CELF2: variants seen among roughly 807,000 people sequenced by gnomAD.
CELF2 encodes the protein CUGBP Elav-like family member 2.
CELF2 carries 8 observed loss-of-function variants against 62.6 expected under a neutral mutation model. That is an observed-to-expected ratio of 0.13 (90% CI 0.07 to 0.23). The LOEUF is 0.23. Ranked by LOEUF, CELF2 falls within the 10% of genes least tolerant of loss-of-function variation. The pLI, the probability that CELF2 is intolerant of heterozygous loss-of-function variation, is 1.00. For missense variants in CELF2, 333 were observed against 671.0 expected (o/e 0.50, Z 5.56); for synonymous variants, 258 against 250.0 (o/e 1.03, Z -0.30).
intron 1 of CELF2, among the ~76,000 whole-genome samples, chr10:10,833,942 C>A (rs2058072823): frequency 6.6e-6 from 1 of 152,194 alleles, no homozygotes; most frequent in Non-Finnish European, 1.5e-5. Flanking sequence ...TACCATTCAA[C>A]CCAGCAATCC....
intron 1 of CELF2, among the ~76,000 whole-genome samples, chr10:10,898,937 A>G (rs1008693225): frequency 3.0e-4 from 45 of 152,262 alleles, no homozygotes; most frequent in Non-Finnish European, 4.4e-4. Context: ...TGAATTATAA[A>G]TCAGTAGGAA....
chr10:11,278,731 A>T (rs2087096324), intron 8 of CELF2, among the ~76,000 whole-genome samples: 1 of 152,222 alleles, frequency 6.6e-6, no homozygotes, highest in Admixed American at 6.5e-5. Flanking sequence ...GAAGATGAAA[A>T]GGTTCAGTGA....
chr10:10,586,001 T>C, the CELF2 span, among the ~76,000 whole-genome samples: 1 of 152,222 alleles, frequency 6.6e-6, no homozygotes, highest in Non-Finnish European at 1.5e-5. Context: ...CTATTGTATG[T>C]TCATAAATAT....
chr10:10,609,458 GCA>G, the CELF2 span, among the ~76,000 whole-genome samples: 3 of 152,086 alleles, frequency 2.0e-5, no homozygotes, highest in Non-Finnish European at 4.4e-5. Context: ...CACCGCGCGT[GCA>G]CACACACACA....
chr10:10,964,594 TATC>T (rs2049913369), intron 2 of CELF2, among the ~76,000 whole-genome samples: 2 of 152,204 alleles, frequency 1.3e-5, no homozygotes, highest in Non-Finnish European at 2.9e-5. Flanking sequence ...ACTTAAAAAA[TATC>T]ATTTCGAGAG....
the CELF2 span, among the ~76,000 whole-genome samples, chr10:10,475,465 G>T: frequency 8.8e-6 from 1 of 113,176 alleles, no homozygotes; most frequent in Non-Finnish European, 1.8e-5. Context: ...GAGCTCCTGT[G>T]CTTGGCCACT....
intron 1 of CELF2, among the ~76,000 whole-genome samples, chr10:10,847,162 A>G (rs946816160): frequency 3.3e-5 from 5 of 151,720 alleles, no homozygotes; most frequent in African/African-American, 7.3e-5. Context: ...TTAGGTATAT[A>G]TATAAAATAA....
intron 3 of CELF2, among the ~76,000 whole-genome samples, chr10:11,219,133 T>C (rs1035082074): frequency 1.3e-5 from 2 of 152,250 alleles, no homozygotes; most frequent in African/African-American, 4.8e-5. Flanking sequence ...CCAAGTCACA[T>C]CATATTTTAA....
intron 2 of CELF2, among the ~76,000 whole-genome samples, chr10:10,945,359 C>T (rs949199362): frequency 6.6e-6 from 1 of 152,258 alleles, no homozygotes; most frequent in South Asian, 2.1e-4. Context: ...AGTACCTGCT[C>T]TCGGCCAGAC....
intron 1 of CELF2, among the ~76,000 whole-genome samples, chr10:11,102,957 C>G (rs1287990370): frequency 6.6e-6 from 1 of 152,182 alleles, no homozygotes; most frequent in African/African-American, 2.4e-5. Flanking sequence ...ACCTCTTCAG[C>G]CACCTTCTAC....
chr10:11,284,448 G>A (rs2090401620), intron 8 of CELF2, among the ~76,000 whole-genome samples: 1 of 151,796 alleles, frequency 6.6e-6, no homozygotes, highest in Non-Finnish European at 1.5e-5. Flanking sequence ...AGTGTGTGGT[G>A]GGTGGATGAG....
the CELF2 span, among the ~76,000 whole-genome samples, chr10:10,578,278 T>C: frequency 1.3e-5 from 2 of 152,208 alleles, no homozygotes; most frequent in African/African-American, 4.8e-5. Context: ...GTCAGATGAC[T>C]AGGTTGCAAA....
chr10:10,516,607 T>C, the CELF2 span, among the ~76,000 whole-genome samples: 416 of 152,238 alleles, frequency 2.7e-3, 2 homozygotes, highest in Admixed American at 7.2e-3. Flanking sequence ...CAGAATTTAC[T>C]GAGAGCTGGT....
At chr10:10,611,030 C>T in the CELF2 span, among the ~76,000 whole-genome samples, 1 of 152,128 alleles carries the variant, frequency 6.6e-6, no homozygotes, top group Admixed American at 6.5e-5. Flanking sequence ...GGACGAGGTG[C>T]TCTGTATGTT....
chr10:10,651,029 C>T, the CELF2 span, among the ~76,000 whole-genome samples: 10 of 151,834 alleles, frequency 6.6e-5, no homozygotes, highest in South Asian at 2.1e-4. Flanking sequence ...GTGCGCGAGC[C>T]GAAGCAGGGC....
chr10:10,719,595 G>C, the CELF2 span, among the ~76,000 whole-genome samples: 1 of 152,160 alleles, frequency 6.6e-6, no homozygotes, highest in African/African-American at 2.4e-5. Context: ...TATGTTGCAT[G>C]ATAGCCTAGC....
chr10:10,806,778 C>T (rs915654746), intron 1 of CELF2, among the ~76,000 whole-genome samples: 1 of 152,098 alleles, frequency 6.6e-6, no homozygotes, highest in African/African-American at 2.4e-5. Context: ...GTTACAGTCA[C>T]CCACTCAAGA....
chr10:10,720,069 C>G, the CELF2 span, among the ~76,000 whole-genome samples: 2 of 152,114 alleles, frequency 1.3e-5, no homozygotes, highest in Admixed American at 6.5e-5. Flanking sequence ...ACTTGGGCTG[C>G]GTTTCATGAG....
the CELF2 span, among the ~76,000 whole-genome samples, chr10:10,721,836 T>C: frequency 1.3e-5 from 2 of 152,224 alleles, no homozygotes; most frequent in Non-Finnish European, 2.9e-5. Context: ...AATGCTTTCA[T>C]CTCTGGATAG....
Sources: gnomAD v4.1 joint callset for allele counts (sites outside exome capture counted in the v4.1 genomes callset) on GRCh38, gnomAD v4.1.1 for gene constraint, MANE v1.5 for transcripts, NCBI Gene and HGNC (gene_info 2026-07-23, HGNC 2026-07-21) for gene names.